The following ELAVL4 variants were observed in gnomAD, a reference collection of about 807,000 sequenced individuals.
ELAVL4 encodes ELAV-like protein 4.
Under a neutral mutation model 35.6 loss-of-function variants are expected in ELAVL4, and 1 was observed. The ratio of observed to expected loss-of-function variants is 0.03; its 90% CI spans 0.01 to 0.13. The LOEUF (loss-of-function observed/expected upper bound fraction) is 0.13, where lower values mean the gene tolerates loss of function less well. ELAVL4 is among the 10% of genes least tolerant of loss of function. ELAVL4 has a pLI of 1.00. For missense variants in ELAVL4, 267 were observed against 464.9 expected, an observed-to-expected ratio of 0.57 and a Z score of 3.91; for synonymous variants, 156 against 171.0, an observed-to-expected ratio of 0.91 and a Z score of 0.69.
intron 1 of ELAVL4, among the ~76,000 whole-genome samples, chr1:50,132,183 A>G (rs1446697838): frequency 1.3e-5 from 2 of 152,166 alleles, no homozygotes; most frequent in African/African-American, 4.8e-5. Flanking sequence ...AATGCAAGAA[A>G]GAGAGAGAGA....
At chr1:50,143,217 T>C (rs1042930322) in intron 1 of ELAVL4, among the ~76,000 whole-genome samples, 2 of 152,216 alleles carry the variant, frequency 1.3e-5, no homozygotes, top group African/African-American at 4.8e-5. Context: ...ACATTCTTTG[T>C]GTTGTACCCT....
At chr1:50,154,935 A>G (rs1188069499) in intron 2 of ELAVL4, among the ~76,000 whole-genome samples, 1 of 152,178 alleles carries the variant, frequency 6.6e-6, no homozygotes, top group Non-Finnish European at 1.5e-5. Flanking sequence ...GGAAATGGAT[A>G]TAGAATGGTA....
At chr1:50,099,678 CAG>C (rs1430029912), upstream of ELAVL4, among the ~76,000 whole-genome samples, 1 of 151,648 alleles carries the variant, frequency 6.6e-6, no homozygotes, top group Non-Finnish European at 1.5e-5. Context: ...ATTATGTTCT[CAG>C]TGGATTTTTA....
chr1:50,184,977 A>T (rs1482855766), intron 3 of ELAVL4, among the ~76,000 whole-genome samples: 1 of 152,256 alleles, frequency 6.6e-6, no homozygotes, highest in Non-Finnish European at 1.5e-5. Flanking sequence ...AATAAAATTC[A>T]AAGTTCAGTT....
intron 1 of ELAVL4, among the ~76,000 whole-genome samples, chr1:50,086,023 G>A (rs1389187281): frequency 6.6e-6 from 1 of 152,078 alleles, no homozygotes; most frequent in East Asian, 1.9e-4. Context: ...TCTGTATTGT[G>A]TTTTGTAATA....
At position 50,201,665 on chromosome 1, in the gene ELAVL4, C is replaced by A. The variant is rs1644399531; in HGVS notation, c.*487C>A. On this transcript the variant is annotated 3_prime_UTR_variant, in exon 7 of 7. Transcript: ENST00000371824. This position sits in a 1 kb window ranked among gnomAD's most constrained non-coding sequence, Gnocchi z 4.3. ...AGATTTTTCTTTTTTGTCAAAATAT[C>A]GATCCAATCAGATTGGTAAAAACCC... The A allele has an allele frequency of 6.6e-6, 1 of 151,598 alleles. No individual in the cohort carries two copies. The highest frequency in any genetic ancestry group is 6.6e-5 in the Admixed American group (1 of 15,238). 9.4% of individuals were successfully genotyped at this position (151,598 alleles called of 1,614,324 possible).
chr1:50,056,796 G>A (rs1239853847), intron 1 of ELAVL4, among the ~76,000 whole-genome samples: 1 of 152,084 alleles, frequency 6.6e-6, no homozygotes, highest in Non-Finnish European at 1.5e-5. Flanking sequence ...GCTGGACATG[G>A]TGGCGGGCGC....
chr1:50,143,477 T>C (rs1282902690), intron 1 of ELAVL4, among the ~76,000 whole-genome samples: 1 of 152,152 alleles, frequency 6.6e-6, no homozygotes. Flanking sequence ...GTGATTGTGG[T>C]TATGTGCCCA....
chr1:50,091,547 G>A (rs74078440), intron 1 of ELAVL4, among the ~76,000 whole-genome samples: 6 of 152,136 alleles, frequency 3.9e-5, no homozygotes, highest in South Asian at 2.1e-4. Context: ...TCTTCCTCAC[G>A]TCTAGCAAGA....
At chr1:50,094,705 A>G (rs1665640611) in intron 1 of ELAVL4, among the ~76,000 whole-genome samples, 1 of 151,746 alleles carries the variant, frequency 6.6e-6, no homozygotes, top group South Asian at 2.1e-4. Context: ...CAGGAGTTCG[A>G]GACCAGCCCG....
intron 2 of ELAVL4, among the ~76,000 whole-genome samples, chr1:50,168,276 G>T (rs1323707579): frequency 1.3e-5 from 2 of 152,166 alleles, no homozygotes; most frequent in Non-Finnish European, 2.9e-5. Context: ...GGTGGCAGGA[G>T]TGTCCCCAGC....
At chr1:50,128,746 T>A (rs1419685590) in intron 1 of ELAVL4, among the ~76,000 whole-genome samples, 1 of 151,828 alleles carries the variant, frequency 6.6e-6, no homozygotes, top group Non-Finnish European at 1.5e-5. Flanking sequence ...GAGAACACAG[T>A]GTGTTCTGGT....
At chr1:50,082,646 A>G (rs1395945569) in intron 1 of ELAVL4, among the ~76,000 whole-genome samples, 1 of 152,194 alleles carries the variant, frequency 6.6e-6, no homozygotes, top group Non-Finnish European at 1.5e-5. Flanking sequence ...AACTTTTTAT[A>G]GAAGTCATGA....
intron 2 of ELAVL4, among the ~76,000 whole-genome samples, chr1:50,156,031 G>GCACACA (rs151228970): frequency 4.7e-5 from 7 of 149,322 alleles, no homozygotes; most frequent in African/African-American, 1.2e-4. Context: ...GCACAGGCAC[G>GCACACA]CACACACACA....
At chr1:50,170,842 G>T (rs563615290) in intron 2 of ELAVL4, among the ~76,000 whole-genome samples, 1 of 152,206 alleles carries the variant, frequency 6.6e-6, no homozygotes, top group South Asian at 2.1e-4. Flanking sequence ...AGACCAGGCT[G>T]AGCAACAAAA....
upstream of ELAVL4, among the ~76,000 whole-genome samples, chr1:50,103,174 G>A (rs1666078196): frequency 6.6e-6 from 1 of 152,098 alleles, no homozygotes. Context: ...TGAACTCTTG[G>A]CGATTTAGAC....
intron 3 of ELAVL4, among the ~76,000 whole-genome samples, chr1:50,188,545 A>G (rs979467288): frequency 1.3e-5 from 2 of 152,218 alleles, no homozygotes; most frequent in Non-Finnish European, 1.5e-5. Flanking sequence ...TTTATTGCCA[A>G]TTAAGGCCTG....
chr1:50,083,225 ATTTTTTATT>A (rs1203942774), intron 1 of ELAVL4, among the ~76,000 whole-genome samples: 1 of 151,748 alleles, frequency 6.6e-6, no homozygotes, highest in Non-Finnish European at 1.5e-5. Context: ...CCTGACTAAT[ATTTTTTATT>A]TTTTTTATTT....
At position 50,195,601 on chromosome 1, in the gene ELAVL4, G is replaced by A; in HGVS notation, c.549G>A (p.Arg183=). The A allele has an allele frequency of 6.2e-7, 1 of 1,614,160 alleles. No individual in the cohort carries two copies. Among genetic ancestry groups the A allele is most frequent in the Non-Finnish European group, 8.5e-7 (1 of 1,180,008 alleles). Residue 183 remains arginine, a synonymous_variant, in exon 5 of 7, where the codon AGG becomes AGA. Transcript: ENST00000371824. ...RGVGFIRFDK[R]IEAEEAIKGL... ...TGGGATTCATCCGCTTTGATAAGAG[G>A]ATTGAGGCAGAAGAAGCCATCAAAG...
Sources: allele counts gnomAD v4.1 joint callset (sites outside exome capture counted in the v4.1 genomes callset), GRCh38; gene constraint gnomAD v4.1.1; non-coding constraint Gnocchi (gnomAD v3.1); transcripts MANE v1.5; gene names NCBI Gene and HGNC (gene_info 2026-07-23, HGNC 2026-07-21).